The following THSD4 variants were observed in gnomAD, a reference collection of about 807,000 sequenced individuals.
The protein encoded by THSD4 is thrombospondin type-1 domain-containing protein 4.
In THSD4, 69 loss-of-function variants were observed where a neutral mutation model predicts 119.0. That is an observed-to-expected ratio of 0.58 (90% CI 0.48 to 0.71). THSD4 has a LOEUF of 0.71. THSD4 is among the 30% of genes least tolerant of loss of function. The pLI is 0.00. For missense variants in THSD4, 1,393 were observed against 1,391.1 expected (o/e 1.00, Z -0.02); for synonymous variants, 524 against 540.4 (o/e 0.97, Z 0.42).
rs1347239150 is a variant in THSD4 at position 71,780,593 on chromosome 15, G to A, written c.*3219G>A. 4 of 443,090 alleles carry A rather than the reference G, an allele frequency of 9.0e-6. No individual in the cohort carries two copies. The highest frequency in any genetic ancestry group is 7.0e-5 in the East Asian group (1 of 14,234). The allele number at this position is 443,090 out of a possible 1,614,324, so 27.4% of individuals were successfully genotyped here. On this transcript the variant is annotated 3_prime_UTR_variant, in exon 18 of 18. Coordinates refer to ENST00000261862, the MANE Select transcript of THSD4 (RefSeq NM_024817.3). ...CACTAGAGGGAGTCAGTTCAGTTCC[G>A]TAAAGGTATGCTCAGTGCCCGCTGC...
chr15:71,772,433 TAAATA>T lies in THSD4; in HGVS notation c.2914+1229_2914+1233del, dbSNP rs754582651. On this transcript the variant is annotated intron_variant, in intron 17 of 17. Coordinates refer to ENST00000261862, the MANE Select transcript of THSD4 (RefSeq NM_024817.3). ...GTTTATAAGATCTATATAGAAAAAA[TAAATA>T]AAAGTAAGAAAGCCTTGCTATAGAA... Among the ~76,000 whole-genome samples the T allele has an allele frequency of 3.0e-4, 46 of 151,394 alleles. No individual in the cohort carries two copies. In the East Asian group the frequency reaches 3.7e-3, roughly 12 times the overall value.
intron 3 of THSD4, among the ~76,000 whole-genome samples, chr15:71,205,287 A>T (rs985111336): frequency 6.6e-6 from 1 of 152,052 alleles, no homozygotes; most frequent in Non-Finnish European, 1.5e-5. Context: ...ATACTTGGAG[A>T]AGTATGGTGC....
intron 7 of THSD4, among the ~76,000 whole-genome samples, chr15:71,565,587 G>T (rs1489726400): frequency 6.6e-6 from 1 of 152,208 alleles, no homozygotes; most frequent in African/African-American, 2.4e-5. Flanking sequence ...ATGATTTAGA[G>T]AAGTAAAAGA....
At position 71,131,863 on chromosome 15, in the gene THSD4, A is replaced by G. The variant is rs190654098; in HGVS notation, c.-79-9586A>G. 4.0e-3 allele frequency among the ~76,000 whole-genome samples: 606 copies of G among 152,354 alleles called. 3 individuals are homozygous for G. The highest frequency in any genetic ancestry group is 5.8e-3 in the Non-Finnish European group (396 of 68,030). ...CCCCTTGTTTGTTCATGGAATGGAA[A>G]GAACCCAGGTGGAATTCCACCCGGA... On this transcript the variant is annotated intron_variant, in intron 1 of 17. Transcript: ENST00000261862.
Position 71,279,305 on chromosome 15 carries a change from G to A in THSD4, c.1015+22590G>A, listed in dbSNP as rs552640405. On this transcript the variant is annotated intron_variant, in intron 6 of 17. Coordinates refer to ENST00000261862, the MANE Select transcript of THSD4 (RefSeq NM_024817.3). ...AATAGCTTTGGCCCGTGTCCAGTGA[G>A]CCTGTAGATATTGGCGGCTTTGCGT... is the stretch of plus-strand genomic sequence containing the variant. Among the ~76,000 whole-genome samples the A allele has an allele frequency of 3.0e-4, 45 of 152,304 alleles. 3 individuals are homozygous for A. In the South Asian group the frequency reaches 9.3e-3, roughly 32 times the overall value.
chr15:71,159,300 T>A (rs1457321768), intron 3 of THSD4, among the ~76,000 whole-genome samples: 1 of 152,124 alleles, frequency 6.6e-6, no homozygotes, highest in Non-Finnish European at 1.5e-5. Flanking sequence ...CTATTTGGGG[T>A]CTTTTGTGGT....
Position 71,122,874 on chromosome 15 carries a change from C to A in THSD4, c.-80+7176C>A, listed in dbSNP as rs662514. On this transcript the variant is annotated intron_variant, in intron 1 of 17. Transcript: ENST00000261862. Reference sequence around the variant, plus strand: ...TCTCATGTTCTGCTTTGGAAATACACTTCCCAGCCATGTGATTACCAGGTC... The same window carrying A: ...TCTCATGTTCTGCTTTGGAAATACAATTCCCAGCCATGTGATTACCAGGTC... 3.8e-3 allele frequency among the ~76,000 whole-genome samples: 583 copies of A among 152,324 alleles called. 2 individuals are homozygous for A. Among genetic ancestry groups the A allele is most frequent in the African/African-American group, 0.013 (556 of 41,582 alleles).
At chr15:71,773,455 GT>G (rs1567146531) in intron 17 of THSD4, among the ~76,000 whole-genome samples, 1 of 152,132 alleles carries the variant, frequency 6.6e-6, no homozygotes, top group East Asian at 1.9e-4. Flanking sequence ...TGTTGCCACT[GT>G]TTTTGTCTTC....
At chr15:71,296,610 C>G (rs2044866642) in intron 6 of THSD4, among the ~76,000 whole-genome samples, 1 of 152,194 alleles carries the variant, frequency 6.6e-6, no homozygotes, top group South Asian at 2.1e-4. Context: ...TGCGCAGCAC[C>G]TGTCCTGCAT....
chr15:71,737,839 A>G lies in THSD4; in HGVS notation c.1738A>G (p.Met580Val), dbSNP rs747302332. 17 of 1,614,134 alleles carry G rather than the reference A, an allele frequency of 1.1e-5. No homozygotes were observed. Among genetic ancestry groups the G allele is most frequent in the Non-Finnish European group, 1.4e-5 (17 of 1,180,056 alleles). The change falls in exon 11 of 18, where the codon ATG becomes GTG. Residue 580 changes from methionine to valine, a missense_variant. Transcript: ENST00000261862. ...AGACTTGCGTGGGGAGGCCCCTGAG[A>G]TGTTCACCTCAGAATCGGCACAGAC... Reference protein sequence around the residue: ...KEDLRGEAPEMFTSESAQTFP... With the variant: ...KEDLRGEAPEVFTSESAQTFP...
At chr15:71,362,814 A>G (rs1002417297) in intron 6 of THSD4, among the ~76,000 whole-genome samples, 1 of 152,034 alleles carries the variant, frequency 6.6e-6, no homozygotes, top group Non-Finnish European at 1.5e-5. Flanking sequence ...ACTTTATTTC[A>G]TTGTGTTTTA....
At chr15:71,535,502 G>A (rs147331238) in intron 7 of THSD4, among the ~76,000 whole-genome samples, 1 of 152,266 alleles carries the variant, frequency 6.6e-6, no homozygotes, top group Non-Finnish European at 1.5e-5. Context: ...TGGAATTACT[G>A]GATCATGTGG....
chr15:71,557,138 A>G (rs1052208604), intron 7 of THSD4, among the ~76,000 whole-genome samples: 11 of 152,192 alleles, frequency 7.2e-5, no homozygotes, highest in Non-Finnish European at 1.5e-4. Flanking sequence ...TATTAGCTCA[A>G]TAAACCCTCT....
chr15:71,226,388 G>A (rs1362466682), intron 4 of THSD4, among the ~76,000 whole-genome samples: 1 of 152,148 alleles, frequency 6.6e-6, no homozygotes, highest in East Asian at 1.9e-4. Context: ...GTTTGCATGT[G>A]CACACATGGA....
chr15:71,215,453 C>A (rs2043925042), intron 4 of THSD4, 54 bp downstream of exon 4: 3 of 1,441,014 alleles, frequency 2.1e-6, no homozygotes, highest in Non-Finnish European at 2.7e-6. Flanking sequence ...AGTATCTGCC[C>A]CTGTCCCTGC....
At chr15:71,273,558 G>A (rs771501042) in intron 6 of THSD4, among the ~76,000 whole-genome samples, 4 of 152,094 alleles carry the variant, frequency 2.6e-5, no homozygotes, top group Non-Finnish European at 5.9e-5. Flanking sequence ...TCACCACAAA[G>A]AAATAAGTAT....
At chr15:71,657,001 C>T (rs1293999803) in intron 7 of THSD4, among the ~76,000 whole-genome samples, 2 of 152,164 alleles carry the variant, frequency 1.3e-5, no homozygotes, top group South Asian at 2.1e-4. Context: ...CATCCCCAGT[C>T]CCCTCATTCA....
At chr15:71,351,117 G>A (rs1282712762) in intron 6 of THSD4, among the ~76,000 whole-genome samples, 1 of 152,194 alleles carries the variant, frequency 6.6e-6, no homozygotes, top group Non-Finnish European at 1.5e-5. Flanking sequence ...GCCCTGAGGA[G>A]TAGCAGAAGT....
intron 7 of THSD4, among the ~76,000 whole-genome samples, chr15:71,546,225 C>T (rs751071003): frequency 1.3e-5 from 2 of 152,132 alleles, no homozygotes; most frequent in Non-Finnish European, 2.9e-5. Flanking sequence ...CCACACCTGC[C>T]TAATTCCAGG....
Sources: gnomAD v4.1 joint callset for allele counts (sites outside exome capture counted in the v4.1 genomes callset) on GRCh38, gnomAD v4.1.1 for gene constraint, MANE v1.5 for transcripts, NCBI Gene and HGNC (gene_info 2026-07-23, HGNC 2026-07-21) for gene names.